The following IRF1 variants were observed in gnomAD, a reference collection of about 807,000 sequenced individuals.
IRF1 encodes interferon regulatory factor 1.
In IRF1, 13 loss-of-function variants were observed where a neutral mutation model predicts 43.7. The observed-to-expected ratio is 0.30, with a 90% CI of 0.19 to 0.47. The LOEUF (loss-of-function observed/expected upper bound fraction) is 0.47, where lower values mean the gene tolerates loss of function less well. Among genes scored for constraint, IRF1 ranks in the 20% least tolerant of loss-of-function variants. IRF1 has a pLI of 0.99. For synonymous variants in IRF1, 138 were observed against 146.8 expected, an observed-to-expected ratio of 0.94 and a Z score of 0.43; for missense variants, 236 against 408.9, an observed-to-expected ratio of 0.58 and a Z score of 3.65.
chr5:132,488,087 G>C, intron 2 of IRF1, 62 bp from the exon 3 acceptor site: 3 of 1,294,934 alleles, frequency 2.3e-6, no homozygotes, highest in Non-Finnish European at 3.3e-6. Flanking sequence ...CTTTGGGGCT[G>C]AGTCTGAGAC....
At chr5:132,484,534 C>T in intron 8 of IRF1, 37 bp from the exon 9 acceptor site, 1 of 1,612,666 alleles carries the variant, frequency 6.2e-7, no homozygotes, top group Non-Finnish European at 8.5e-7. Flanking sequence ...CAACTCCCTT[C>T]CAGTGCAGAC....
rs985649638 is a variant in IRF1 at position 132,485,438 on chromosome 5, C to T, written c.717+229G>A. 30 of 572,570 alleles carry T rather than the reference C, an allele frequency of 5.2e-5. No individual in the cohort carries two copies. The African/African-American group carries it at 5.4e-4, about 10-fold the overall frequency. 35.5% of individuals were successfully genotyped at this position (572,570 alleles called of 1,614,324 possible). On this transcript the variant is annotated intron_variant, in intron 8 of 9. Transcript: ENST00000245414. ...TGACTCACAGAGCTGTCTGATGCCCCAAGGCTTGCTTCAGGACGGCCTGTC... is the reference window on the plus strand; with the variant it reads ...TGACTCACAGAGCTGTCTGATGCCCTAAGGCTTGCTTCAGGACGGCCTGTC...
intron 3 of IRF1, chr5:132,487,334 C>T (rs531421575): frequency 3.4e-6 from 2 of 594,916 alleles, no homozygotes; most frequent in East Asian, 5.7e-5. Context: ...GGCTTAAACA[C>T]ATCTAGCGGG....
At chr5:132,485,557 G>A in intron 8 of IRF1, 110 bp downstream of exon 8, 1 of 877,632 alleles carries the variant, frequency 1.1e-6, no homozygotes, top group Non-Finnish European at 2.0e-6. Flanking sequence ...AATGCAAGCA[G>A]CCAGGTGACA....
chr5:132,484,234 CTAAT>C, intron 9 of IRF1, 124 bp downstream of exon 9: 1 of 1,426,744 alleles, frequency 7.0e-7, no homozygotes, highest in South Asian at 1.3e-5. Flanking sequence ...GCAGCCGTAG[CTAAT>C]TCACAATGTG....
chr5:132,488,174 C>T (rs1379482388), intron 2 of IRF1, 149 bp from the exon 3 acceptor site: 2 of 632,802 alleles, frequency 3.2e-6, no homozygotes, highest in Admixed American at 4.7e-5. Flanking sequence ...CTTGGACACC[C>T]ATCTTGAGGC....
In IRF1 at chr5:132,487,096, G is replaced by A; in HGVS notation, c.222C>T (p.Pro74=). ...AGCGAAAGTTGGCCTTCCACGTCTT[G>A]GGATCTGGCTCCTTTTCCCCTGCTT... ...RYKAGEKEPD[P]KTWKANFRCA... Residue 74 remains proline (P), a synonymous_variant, in exon 4 of 10, where the codon CCC becomes CCT. Coordinates refer to ENST00000245414, the MANE Select transcript of IRF1 (RefSeq NM_002198.3). The A allele has an allele frequency of 1.9e-6, 3 of 1,614,162 alleles. No individual in the cohort carries two copies. Among genetic ancestry groups the A allele is most frequent in the Non-Finnish European group, 2.5e-6 (3 of 1,180,030 alleles).
chr5:132,488,577 T>G (rs541566843), intron 2 of IRF1: 1 of 153,414 alleles, frequency 6.5e-6, no homozygotes, highest in East Asian at 1.9e-4. Flanking sequence ...CCAACAAAAT[T>G]TTGAGGATTA....
intron 2 of IRF1, 123 bp downstream of exon 2, chr5:132,489,269 A>C: frequency 1.3e-6 from 1 of 754,564 alleles, no homozygotes; most frequent in Non-Finnish European, 2.3e-6. Flanking sequence ...TGCAGGACCC[A>C]CTGGGAGAAA....
intron 4 of IRF1, 53 bp from the exon 5 acceptor site, chr5:132,486,897 A>T: frequency 6.2e-7 from 1 of 1,613,312 alleles, no homozygotes; most frequent in Non-Finnish European, 8.5e-7. Context: ...GCCCCAGCTG[A>T]CCTCCTTCTA....
At chr5:132,485,828 G>GACACAC (rs41498144) in intron 7 of IRF1, 112 bp from the exon 8 acceptor site, 123 of 555,766 alleles carry the variant, frequency 2.2e-4, no homozygotes, top group African/African-American at 6.7e-4. Context: ...CTGTCTCTCT[G>GACACAC]ACACACACAC....
At chr5:132,487,599 C>A (rs757732289) in intron 3 of IRF1, 2 of 398,454 alleles carry the variant, frequency 5.0e-6, no homozygotes, top group Admixed American at 4.0e-5. Context: ...TTGGTCAACA[C>A]GAAGAAAAAG....
chr5:132,484,235 T>C (rs1179538434), intron 9 of IRF1, 127 bp downstream of exon 9: 3 of 1,424,218 alleles, frequency 2.1e-6, no homozygotes, highest in Non-Finnish European at 2.9e-6. Flanking sequence ...CAGCCGTAGC[T>C]AATTCACAAT....
At position 132,486,323 on chromosome 5, in the gene IRF1, C is replaced by T. The variant is rs760051125; in HGVS notation, c.595G>A (p.Val199Met). ...SSTLPDWHIP[V>M]EVVPDSTSDL... ...CTGGTGCTGTCCGGCACAACTTCCA[C>T]TGGGATGTGCCAGTCGGGGAGAGTG... Residue 199 changes from valine to methionine, a missense_variant, in exon 7 of 10, where the codon GTG (valine) becomes ATG (methionine). Val to Met is a conservative substitution (Grantham distance 21). Transcript: ENST00000245414. 1.9e-6 allele frequency: 3 copies of T among 1,613,234 alleles called. No individual in the cohort carries two copies. In the South Asian group the frequency reaches 3.3e-5, roughly 18 times the overall value.
chr5:132,484,367 G>C lies in IRF1; in HGVS notation c.848C>G (p.Pro283Arg). ...AGGATCCAGGGCCTTCTTACCCCCT[G>C]GGCTGTCAATTTCTGGCTCCTCCTT... ...SCKEEPEIDSPGGDIGLSLQR... is the reference protein window; with the variant it reads ...SCKEEPEIDSRGGDIGLSLQR... Residue 283 changes from proline to arginine, a missense_variant, in exon 9 of 10, where the codon CCA becomes CGA. Pro to Arg is a moderately radical substitution (Grantham distance 103, BLOSUM62 -2). Coordinates refer to ENST00000245414, the MANE Select transcript of IRF1 (RefSeq NM_002198.3). The C allele has an allele frequency of 6.2e-7, 1 of 1,613,996 alleles. No individual in the cohort carries two copies. The highest frequency in any genetic ancestry group is 8.5e-7 in the Non-Finnish European group (1 of 1,179,952).
intron 8 of IRF1, 142 bp downstream of exon 8, chr5:132,485,525 G>A (rs950326300): frequency 2.3e-5 from 18 of 772,300 alleles, no homozygotes; most frequent in South Asian, 1.4e-4. Flanking sequence ...GTCAAGCCAC[G>A]TGAATGTGGC....
At chr5:132,485,140 G>A (rs140260397) in intron 8 of IRF1, 4,221 of 156,236 alleles carry the variant, frequency 0.027, 164 homozygotes, top group African/African-American at 0.086. Context: ...TCAAACTCCT[G>A]ACCTCAGGTG....
At chr5:132,485,933 G>A (rs1754513265) in intron 7 of IRF1, 16 of 602,310 alleles carry the variant, frequency 2.7e-5, no homozygotes, top group South Asian at 2.5e-4. Flanking sequence ...CTGAAGCCAC[G>A]CCGCTTCCCA....
At chr5:132,484,114 G>A (rs761586741) in intron 9 of IRF1, 39 bp from the exon 10 acceptor site, 29 of 1,606,590 alleles carry the variant, frequency 1.8e-5, no homozygotes, top group Middle Eastern at 1.7e-4. Context: ...GGTAGGGGAC[G>A]GTGGCATCAG....
Sources: allele counts gnomAD v4.1 joint callset, GRCh38; gene constraint gnomAD v4.1.1; transcripts MANE v1.5; gene names NCBI Gene and HGNC (gene_info 2026-07-23, HGNC 2026-07-21).